AP4E1: variants seen among roughly 807,000 people sequenced by gnomAD.
AP4E1 encodes the protein AP-4 complex subunit epsilon-1.
AP4E1 carries 56 observed loss-of-function variants against 128.2 expected under a neutral mutation model. That is an observed-to-expected ratio of 0.44 (90% CI 0.35 to 0.55). The LOEUF is 0.55. Ranked by LOEUF, AP4E1 falls within the 20% of genes least tolerant of loss-of-function variation. The pLI is 0.00. For synonymous variants in AP4E1, 484 were observed against 473.1 expected (o/e 1.02, Z -0.30); for missense variants, 1,324 against 1,307.7 (o/e 1.01, Z -0.19).
chr15:50,996,594 C>G (rs55961451), intron 17 of AP4E1, among the ~76,000 whole-genome samples: 3,406 of 152,134 alleles, frequency 0.022, 57 homozygotes, highest in Non-Finnish European at 0.034. Context: ...TCAAAGCCCC[C>G]CGGGGGAGTG....
At chr15:50,994,400 C>G (rs1384307373) in intron 17 of AP4E1, among the ~76,000 whole-genome samples, 2 of 152,094 alleles carry the variant, frequency 1.3e-5, no homozygotes, top group African/African-American at 4.8e-5. Context: ...CATCCTCCTC[C>G]TCCCATGGTG....
chr15:50,955,818 C>G (rs1211288414), intron 13 of AP4E1, among the ~76,000 whole-genome samples: 2 of 152,174 alleles, frequency 1.3e-5, no homozygotes. Context: ...TGCCACCCTG[C>G]TGGGGAATTT....
Position 50,974,872 on chromosome 15 carries a change from T to TA in AP4E1, c.1966+6507dup, listed in dbSNP as rs74782084. 6.4e-3 allele frequency among the ~76,000 whole-genome samples: 926 copies of TA among 145,454 alleles called. 6 individuals carry two copies. The highest frequency in any genetic ancestry group is 0.015 in the African/African-American group (598 of 40,110). Reference sequence around the variant, plus strand: ...GCCTATTTGTGATCAGGTTATTAGTTAAAAAAAAAAAACTATTGAGTCATA... The same window carrying TA: ...GCCTATTTGTGATCAGGTTATTAGTTAAAAAAAAAAAAACTATTGAGTCATA... On this transcript the variant is annotated intron_variant, in intron 15 of 20. Transcript: ENST00000261842.
At chr15:50,974,488 A>C (rs1202618064) in intron 15 of AP4E1, among the ~76,000 whole-genome samples, 1 of 152,000 alleles carries the variant, frequency 6.6e-6, no homozygotes. Context: ...ACTGGTCTCA[A>C]ACTCTTGAGC....
In AP4E1 at chr15:50,997,670, C is replaced by T. The variant is rs2064897000; in HGVS notation, c.2691C>T (p.Ala897=). The T allele has an allele frequency of 6.2e-7, 1 of 1,613,948 alleles. No individual in the cohort carries two copies. Residue 897 remains alanine (A), a synonymous_variant, in exon 18 of 21, where the codon GCC becomes GCT. Coordinates refer to ENST00000261842, the MANE Select transcript of AP4E1 (RefSeq NM_007347.5). ...CTCAATCTACTGCAGCCTCAGTTGC[C>T]AAGGAAAGCTCTTTAGCTTCATCTT... The part of the protein sequence containing the change: ...HPPQSTAASV[A]KESSLASSFL...
In AP4E1 at chr15:51,003,403, C is replaced by G. The variant is rs2064988302; in HGVS notation, c.*741C>G. On this transcript the variant is annotated 3_prime_UTR_variant, in exon 21 of 21. Transcript: ENST00000261842. The stretch of plus-strand genomic sequence containing the variant: ...TATATAGAAACAAAACCCATAAGAG[C>G]ACACAGTAACAAAGCAAACAGATAC... The G allele has an allele frequency of 6.6e-6, 1 of 152,344 alleles. No individual in the cohort carries two copies. The highest frequency in any genetic ancestry group is 2.4e-5 in the African/African-American group (1 of 41,436). 9.4% of individuals were successfully genotyped at this position (152,344 alleles called of 1,614,324 possible).
intron 15 of AP4E1, among the ~76,000 whole-genome samples, chr15:50,983,012 G>A (rs1365100172): frequency 6.6e-6 from 1 of 152,094 alleles, no homozygotes; most frequent in African/African-American, 2.4e-5. Context: ...AATCTAGACT[G>A]TTCAAAATTT....
intron 15 of AP4E1, among the ~76,000 whole-genome samples, chr15:50,974,613 G>A (rs2140902616): frequency 6.6e-6 from 1 of 152,160 alleles, no homozygotes; most frequent in East Asian, 1.9e-4. Flanking sequence ...TTCCACAGTG[G>A]TTGCACCATT....
At chr15:50,925,350 C>A in intron 5 of AP4E1, 131 bp downstream of exon 5, 1 of 958,824 alleles carries the variant, frequency 1.0e-6, no homozygotes, top group Non-Finnish European at 1.5e-6. Context: ...ATACAAAAAT[C>A]TTCAATAGGA....
At chr15:50,912,023 T>C (rs1222509187) in intron 1 of AP4E1, 55 bp from the exon 2 acceptor site, 2 of 1,297,396 alleles carry the variant, frequency 1.5e-6, no homozygotes, top group Non-Finnish European at 1.1e-6. Context: ...AGATAAATGC[T>C]GTTACAGTTT....
chr15:50,982,300 A>T (rs1264836224), intron 15 of AP4E1, among the ~76,000 whole-genome samples: 1 of 152,154 alleles, frequency 6.6e-6, no homozygotes, highest in Non-Finnish European at 1.5e-5. Context: ...TCTTATAGCA[A>T]CATAAAACGG....
chr15:50,920,522 T>A (rs920510571), intron 3 of AP4E1, among the ~76,000 whole-genome samples: 2 of 151,388 alleles, frequency 1.3e-5, no homozygotes, highest in Admixed American at 1.3e-4. Flanking sequence ...TTCTCCTGCC[T>A]AAGCCTCTCG....
chr15:50,915,104 C>A (rs545994341), intron 2 of AP4E1, among the ~76,000 whole-genome samples: 2 of 152,154 alleles, frequency 1.3e-5, no homozygotes, highest in African/African-American at 2.4e-5. Context: ...ATTTTAGAAG[C>A]CAAGTAAAAT....
Position 50,930,798 on chromosome 15 carries a change from G to T in AP4E1, c.703-7G>T, listed in dbSNP as rs780470892. Reference sequence around the variant, plus strand: ...ATTAACAAAGTTTTTTTTGCGGGGGGATGTAGGAGAATTCATCTGGATATA... The same window carrying T: ...ATTAACAAAGTTTTTTTTGCGGGGGTATGTAGGAGAATTCATCTGGATATA... On this transcript the variant is annotated splice_region_variant and splice_polypyrimidine_tract_variant and intron_variant, in intron 6 of 20. Transcript: ENST00000261842. 1 of 1,613,248 alleles carries T rather than the reference G, an allele frequency of 6.2e-7. No individual in the cohort carries two copies. Among genetic ancestry groups the T allele is most frequent in the Non-Finnish European group, 8.5e-7 (1 of 1,179,744 alleles).
At chr15:50,976,108 A>T (rs982603484) in intron 15 of AP4E1, among the ~76,000 whole-genome samples, 1 of 152,200 alleles carries the variant, frequency 6.6e-6, no homozygotes, top group Non-Finnish European at 1.5e-5. Flanking sequence ...AAAAAAAAGA[A>T]AACTACAGGC....
chr15:50,990,909 A>G (rs1324358479), intron 16 of AP4E1, among the ~76,000 whole-genome samples: 1 of 152,080 alleles, frequency 6.6e-6, no homozygotes, highest in East Asian at 1.9e-4. Flanking sequence ...AATAATTAGG[A>G]GTGTCGTTGG....
rs758719313 is a variant in AP4E1 at position 50,912,130 on chromosome 15, C to T, written c.203C>T (p.Ser68Phe). Residue 68 changes from serine (S) to phenylalanine (F), a missense_variant, in exon 2 of 21, where the codon TCT becomes TTT. By Grantham distance (155) the Ser-to-Phe change is radical. Coordinates refer to ENST00000261842, the MANE Select transcript of AP4E1 (RefSeq NM_007347.5). ...QELSSLKATV[S>F]APTTTLKMMK... ...CTGAGTAGTCTGAAAGCGACTGTTT[C>T]TGCTCCTACTACAACACTGGTAGGT... 1.6e-5 allele frequency: 26 copies of T among 1,613,998 alleles called. No homozygotes were observed. In the South Asian group the frequency reaches 2.9e-4, roughly 18 times the overall value.
chr15:50,972,940 G>T (rs1330086522), intron 15 of AP4E1, among the ~76,000 whole-genome samples: 1 of 152,162 alleles, frequency 6.6e-6, no homozygotes, highest in Non-Finnish European at 1.5e-5. Context: ...AAGTGTATTA[G>T]AATTCTTCGT....
intron 10 of AP4E1, among the ~76,000 whole-genome samples, chr15:50,942,590 T>A (rs2064002655): frequency 6.7e-6 from 1 of 150,116 alleles, no homozygotes; most frequent in Non-Finnish European, 1.5e-5. Context: ...AATATCATCA[T>A]CATATATGTC....
Sources: allele counts gnomAD v4.1 joint callset (sites outside exome capture counted in the v4.1 genomes callset), GRCh38; gene constraint gnomAD v4.1.1; transcripts MANE v1.5; gene names NCBI Gene and HGNC (gene_info 2026-07-23, HGNC 2026-07-21).